KIAA1671: variants seen among roughly 807,000 people sequenced by gnomAD.
KIAA1671 encodes uncharacterized protein KIAA1671.
In KIAA1671, 52 loss-of-function variants were observed where a neutral mutation model predicts 131.2. That is an observed-to-expected ratio of 0.40 (90% CI 0.32 to 0.50). The LOEUF is 0.50. Ranked by LOEUF, KIAA1671 falls within the 20% of genes least tolerant of loss-of-function variation. The pLI is 0.73. For missense variants in KIAA1671, 2,360 were observed against 2,364.2 expected (o/e 1.00, Z 0.04); for synonymous variants, 1,003 against 961.6 (o/e 1.04, Z -0.80).
Position 25,180,913 on chromosome 22 carries a change from AC to A in KIAA1671, c.5075-781del, listed in dbSNP as rs549468998. Among the ~76,000 whole-genome samples the A allele has an allele frequency of 1.1e-3, 172 of 152,210 alleles. 2 individuals are homozygous for A. The South Asian group carries it at 0.03, about 26-fold the overall frequency. ...ATAATAGGGACAAAAGCACACAAAT[AC>A]CCCCAGCTGGAACGTGGCAGCAGCA... On this transcript the variant is annotated intron_variant, in intron 9 of 12. Transcript: ENST00000358431.
chr22:25,069,595 G>A (rs960836141), intron 6 of KIAA1671, among the ~76,000 whole-genome samples: 2 of 152,140 alleles, frequency 1.3e-5, no homozygotes, highest in East Asian at 1.9e-4. Flanking sequence ...CCAACTCACC[G>A]CGTGACCTTG....
At chr22:25,007,265 A>G (rs2064137) in intron 1 of KIAA1671, among the ~76,000 whole-genome samples, 30,750 of 151,990 alleles carry the variant, frequency 0.2, 3,312 homozygotes, top group East Asian at 0.45. Context: ...AGGCGGGCGG[A>G]TCACGAGGTC....
intron 5 of KIAA1671, 71 bp from the exon 6 acceptor site, chr22:25,049,159 G>A: frequency 6.6e-7 from 1 of 1,506,384 alleles, no homozygotes; most frequent in Non-Finnish European, 9.0e-7. Context: ...ATGGACTCTT[G>A]GCATAATATA....
intron 1 of KIAA1671, among the ~76,000 whole-genome samples, chr22:24,977,181 G>A (rs1245787830): frequency 6.6e-6 from 1 of 152,116 alleles, no homozygotes; most frequent in Admixed American, 6.5e-5. Context: ...ACGTTTCCAC[G>A]ATCAGCATCA....
At position 25,177,339 on chromosome 22, in the gene KIAA1671, C is replaced by T. The variant is rs1446036682; in HGVS notation, c.4900-9C>T. On this transcript the variant is annotated splice_polypyrimidine_tract_variant and intron_variant, in intron 8 of 12. Transcript: ENST00000358431. ...ATTTTTTTCCTCTTCCTCCCTGCTGCTCCCAAAGCAAACCTCAGTCCTCGA... is the reference window on the plus strand; with the variant it reads ...ATTTTTTTCCTCTTCCTCCCTGCTGTTCCCAAAGCAAACCTCAGTCCTCGA... 3 of 1,542,228 alleles carry T rather than the reference C, an allele frequency of 1.9e-6. No individual in the cohort carries two copies. Among genetic ancestry groups the T allele is most frequent in the Non-Finnish European group, 2.6e-6 (3 of 1,141,228 alleles).
rs551833830 is a variant in KIAA1671 at position 25,079,256 on chromosome 22, G to A, written c.4530+29892G>A. Among the ~76,000 whole-genome samples, 6 of 150,942 alleles carry A rather than the reference G, an allele frequency of 4.0e-5. No homozygotes were observed. The South Asian group carries it at 1.3e-3, about 32-fold the overall frequency. ...AACTTTTTTTTTTTTTTGAGATGGA[G>A]TCTCGCTCTGTCGCCCAGGCTGGAG... On this transcript the variant is annotated intron_variant, in intron 6 of 12. Transcript: ENST00000358431.
rs529667698 is a variant in KIAA1671 at position 25,000,939 on chromosome 22, C to G, written c.-207-24694C>G. On this transcript the variant is annotated intron_variant, in intron 1 of 12. Coordinates refer to ENST00000358431, the MANE Select transcript of KIAA1671 (RefSeq NM_001145206.2). Reference sequence around the variant, plus strand: ...TGGGATTATAGGCATGAGCCAGACCCTCATTGTATTTTTGTGTTTTCCCGA... The same window carrying G: ...TGGGATTATAGGCATGAGCCAGACCGTCATTGTATTTTTGTGTTTTCCCGA... Among the ~76,000 whole-genome samples, 3 of 152,026 alleles carry G rather than the reference C, an allele frequency of 2.0e-5. No individual in the cohort carries two copies. In the East Asian group the frequency reaches 5.8e-4, roughly 29 times the overall value.
At chr22:24,973,389 GTTTTTTTTTTT>G (rs57519039) in intron 1 of KIAA1671, among the ~76,000 whole-genome samples, 4 of 71,646 alleles carry the variant, frequency 5.6e-5, no homozygotes, top group Non-Finnish European at 7.4e-5. Flanking sequence ...GCATATGATG[GTTTTTTTTTTT>G]TTTTTTTTTT....
intron 1 of KIAA1671, chr22:25,013,092 G>C (rs532690247): frequency 2.0e-5 from 3 of 152,206 alleles, no homozygotes; most frequent in Non-Finnish European, 4.4e-5. Context: ...TAGGGGGAGA[G>C]TCTCAGGCTT....
intron 1 of KIAA1671, among the ~76,000 whole-genome samples, chr22:24,955,748 A>AGGCGC (rs1325670513): frequency 3.9e-5 from 6 of 152,168 alleles, no homozygotes; most frequent in African/African-American, 1.4e-4. Flanking sequence ...GTGAGAGGCC[A>AGGCGC]GGCGCGGTGG....
chr22:25,183,277 C>T (rs1396303088), intron 10 of KIAA1671, among the ~76,000 whole-genome samples: 3 of 152,166 alleles, frequency 2.0e-5, no homozygotes, highest in Non-Finnish European at 2.9e-5. Context: ...CTTTAGTAGA[C>T]GGAAGTTTTG....
At chr22:24,957,557 G>A (rs549400824) in intron 1 of KIAA1671, among the ~76,000 whole-genome samples, 8 of 152,188 alleles carry the variant, frequency 5.3e-5, no homozygotes, top group Non-Finnish European at 7.4e-5. Flanking sequence ...ATGTCCCCCC[G>A]GGACCTCAGT....
intron 1 of KIAA1671, among the ~76,000 whole-genome samples, chr22:24,986,434 T>C (rs971827715): frequency 6.6e-6 from 1 of 152,042 alleles, no homozygotes; most frequent in African/African-American, 2.4e-5. Context: ...GTTAATACAA[T>C]GTAGATACCA....
chr22:24,965,172 T>G (rs1198509676), intron 1 of KIAA1671, among the ~76,000 whole-genome samples: 2 of 151,072 alleles, frequency 1.3e-5, no homozygotes, highest in Non-Finnish European at 2.9e-5. Flanking sequence ...GTGAGCACAT[T>G]GCAAGGCTGA....
In KIAA1671 at chr22:25,032,590, A is replaced by T. The variant is rs1926353910; in HGVS notation, c.1542-19A>T. 4 of 1,506,242 alleles carry T rather than the reference A, an allele frequency of 2.7e-6. No individual in the cohort carries two copies. The highest frequency in any genetic ancestry group is 2.7e-6 in the Non-Finnish European group (3 of 1,107,260). The allele number at this position is 1,506,242 out of a possible 1,614,324, so 93.3% of individuals were successfully genotyped here. On this transcript the variant is annotated intron_variant, in intron 3 of 12. Transcript: ENST00000358431. Reference sequence around the variant, plus strand: ...AACAGCTTCCAGCTCCATGAAGGTAACTCAGATCTCTGTACCAGGTTTTCA... The same window carrying T: ...AACAGCTTCCAGCTCCATGAAGGTATCTCAGATCTCTGTACCAGGTTTTCA...
chr22:25,135,703 G>A (rs1188789076), intron 6 of KIAA1671, among the ~76,000 whole-genome samples: 2 of 152,192 alleles, frequency 1.3e-5, no homozygotes, highest in Non-Finnish European at 2.9e-5. Flanking sequence ...CCCCTCACGT[G>A]GCTGTCTGGT....
chr22:25,047,539 G>T (rs1286924373), intron 5 of KIAA1671, among the ~76,000 whole-genome samples: 1 of 139,712 alleles, frequency 7.2e-6, no homozygotes, highest in Non-Finnish European at 1.5e-5. Context: ...GTGGTGTGAT[G>T]TCGGCTCACT....
At chr22:25,010,091 C>T (rs1169739275) in intron 1 of KIAA1671, 3 of 152,226 alleles carry the variant, frequency 2.0e-5, no homozygotes, top group African/African-American at 7.2e-5. Flanking sequence ...TGCTTTGGAT[C>T]TTAAACATTT....
intron 6 of KIAA1671, among the ~76,000 whole-genome samples, chr22:25,089,569 C>T (rs752344269): frequency 2.6e-5 from 4 of 152,052 alleles, no homozygotes; most frequent in Middle Eastern, 3.2e-3. Context: ...CCACCGCACC[C>T]GGCCATGTGT....
Sources: allele counts gnomAD v4.1 joint callset (sites outside exome capture counted in the v4.1 genomes callset), GRCh38; gene constraint gnomAD v4.1.1; transcripts MANE v1.5; gene names NCBI Gene and HGNC (gene_info 2026-07-23, HGNC 2026-07-21).